Variants in LYPD6 observed in about 807,000 individuals in gnomAD.
LYPD6 encodes the protein ly6/PLAUR domain-containing protein 6.
LYPD6 carries 15 observed loss-of-function variants against 22.7 expected under a neutral mutation model. The observed-to-expected ratio is 0.66, with a 90% CI of 0.44 to 1.02. The LOEUF (loss-of-function observed/expected upper bound fraction) is 1.02. LYPD6 is among the 50% of genes least tolerant of loss of function. The pLI is 0.00. For missense variants in LYPD6, 189 were observed against 208.4 expected (o/e 0.91, Z 0.57); for synonymous variants, 72 against 77.5 (o/e 0.93, Z 0.37).
chr2:149,440,805 A>G (rs1683548449), intron 2 of LYPD6, among the ~76,000 whole-genome samples: 3 of 139,394 alleles, frequency 2.2e-5, no homozygotes, highest in Non-Finnish European at 3.0e-5. Context: ...GGTTCATGCC[A>G]TTCTCCTGCC....
At chr2:149,378,126 A>G (rs897801851) in intron 1 of LYPD6, among the ~76,000 whole-genome samples, 4 of 152,044 alleles carry the variant, frequency 2.6e-5, no homozygotes, top group African/African-American at 2.4e-5. Flanking sequence ...TTAATAATAT[A>G]TATATTTTGA....
chr2:149,418,605 T>TTC (rs1683014837), intron 1 of LYPD6, among the ~76,000 whole-genome samples: 1 of 150,870 alleles, frequency 6.6e-6, no homozygotes, highest in Admixed American at 6.6e-5. Context: ...CTTGCGCTAT[T>TTC]TCTCAGATAC....
intron 3 of LYPD6, among the ~76,000 whole-genome samples, chr2:149,449,550 A>G (rs1003589691): frequency 6.6e-6 from 1 of 152,350 alleles, no homozygotes; most frequent in Non-Finnish European, 1.5e-5. Flanking sequence ...AGAGACTTTC[A>G]TGCAGTCTCT....
At chr2:149,394,691 A>T (rs1030213177) in intron 1 of LYPD6, among the ~76,000 whole-genome samples, 1 of 151,848 alleles carries the variant, frequency 6.6e-6, no homozygotes, top group African/African-American at 2.4e-5. Flanking sequence ...GTATAAATAG[A>T]TTTTCACAAA....
At chr2:149,464,661 G>C (rs1218166862) in intron 3 of LYPD6, among the ~76,000 whole-genome samples, 1 of 152,176 alleles carries the variant, frequency 6.6e-6, no homozygotes, top group South Asian at 2.1e-4. Flanking sequence ...CAGCAGTCAG[G>C]ATTCCTTGAC....
chr2:149,480,847 A>T, the LYPD6 span, among the ~76,000 whole-genome samples: 1 of 152,180 alleles, frequency 6.6e-6, no homozygotes, highest in Non-Finnish European at 1.5e-5. Context: ...ACATGCAGTC[A>T]TGGAGCAAAG....
chr2:149,372,108 A>C (rs1480739164), intron 1 of LYPD6, among the ~76,000 whole-genome samples: 1 of 152,128 alleles, frequency 6.6e-6, no homozygotes, highest in Non-Finnish European at 1.5e-5. Flanking sequence ...AGACAAAATT[A>C]AGGACTATGG....
Position 149,369,871 on chromosome 2 carries a change from T to C in LYPD6, c.-72+39149T>C, listed in dbSNP as rs1681766810. On this transcript the variant is annotated intron_variant, in intron 1 of 4. Transcript: ENST00000334166. ...CGGGTAAGGCATAAGTATGCTTCTC[T>C]GTGGGGGAAGAGGAGGAACAGGCAT... Among the ~76,000 whole-genome samples, 3 of 152,084 alleles carry C rather than the reference T, an allele frequency of 2.0e-5. No homozygotes were observed. The South Asian group carries it at 6.2e-4, about 32-fold the overall frequency.
intron 1 of LYPD6, among the ~76,000 whole-genome samples, chr2:149,408,652 T>C (rs1682783769): frequency 6.6e-6 from 1 of 152,246 alleles, no homozygotes; most frequent in South Asian, 2.1e-4. Context: ...TTGAAAGCCT[T>C]GTCTTCAAGC....
chr2:149,463,168 T>C (rs1179686768), intron 3 of LYPD6, among the ~76,000 whole-genome samples: 1 of 152,118 alleles, frequency 6.6e-6, no homozygotes, highest in South Asian at 2.1e-4. Context: ...ATCTAGAATA[T>C]ATAAATAATT....
intron 1 of LYPD6, among the ~76,000 whole-genome samples, chr2:149,405,379 T>A (rs935396231): frequency 5.3e-5 from 8 of 152,192 alleles, no homozygotes; most frequent in African/African-American, 1.7e-4. Flanking sequence ...CCTTTTTGGT[T>A]GGTAAGCTAT....
chr2:149,393,960 G>T (rs1682371289), intron 1 of LYPD6, among the ~76,000 whole-genome samples: 1 of 152,118 alleles, frequency 6.6e-6, no homozygotes, highest in Admixed American at 6.5e-5. Flanking sequence ...GACTGGAAGG[G>T]CTCTCCAGAC....
At chr2:149,404,357 A>C (rs917598139) in intron 1 of LYPD6, among the ~76,000 whole-genome samples, 21 of 152,072 alleles carry the variant, frequency 1.4e-4, no homozygotes, top group African/African-American at 4.8e-4. Context: ...GATTCTTCCT[A>C]CCCATGAGCA....
intron 1 of LYPD6, among the ~76,000 whole-genome samples, chr2:149,355,073 T>C (rs930336835): frequency 6.6e-6 from 1 of 152,230 alleles, no homozygotes; most frequent in Admixed American, 6.5e-5. Flanking sequence ...ATATTTTTCC[T>C]ATGGGATAAA....
In LYPD6 at chr2:149,415,115, G is replaced by T. The variant is rs889016928; in HGVS notation, c.-71-22523G>T. Among the ~76,000 whole-genome samples, 5 of 152,324 alleles carry T rather than the reference G, an allele frequency of 3.3e-5. No homozygotes were observed. In the South Asian group the frequency reaches 1.0e-3, roughly 32 times the overall value. On this transcript the variant is annotated intron_variant, in intron 1 of 4. Coordinates refer to ENST00000334166, the MANE Select transcript of LYPD6 (RefSeq NM_194317.5). ...GACACACACTCTAGATTTTATCACT[G>T]TCCAATGGGAAAGAGACATTCTGTG...
intron 1 of LYPD6, among the ~76,000 whole-genome samples, chr2:149,373,141 T>G (rs2105079625): frequency 6.6e-6 from 1 of 151,944 alleles, no homozygotes; most frequent in Non-Finnish European, 1.5e-5. Flanking sequence ...GCAAGGGGCT[T>G]TGTGGGGTGC....
chr2:149,406,442 G>A (rs1283834927), intron 1 of LYPD6, among the ~76,000 whole-genome samples: 6 of 151,598 alleles, frequency 4.0e-5, no homozygotes, highest in Non-Finnish European at 7.4e-5. Flanking sequence ...ATATATTTAG[G>A]ATAGTTAGCT....
intron 3 of LYPD6, among the ~76,000 whole-genome samples, chr2:149,456,359 C>T: frequency 6.6e-6 from 1 of 150,392 alleles, no homozygotes; most frequent in East Asian, 1.9e-4. Flanking sequence ...GTAAGCAGCA[C>T]CCTGATTAAG....
At position 149,466,685 on chromosome 2, in the gene LYPD6, T is replaced by C. The variant is rs572523514; in HGVS notation, c.218-1960T>C. Among the ~76,000 whole-genome samples the C allele has an allele frequency of 2.0e-5, 3 of 152,336 alleles. No homozygotes were observed. The East Asian group carries it at 5.8e-4, about 29-fold the overall frequency. ...ATATCAAGTTCACCAATTGTTATTT[T>C]AAGGCTTACTTAAAACAGGATAATT... is the stretch of plus-strand genomic sequence containing the variant. On this transcript the variant is annotated intron_variant, in intron 3 of 4. Transcript: ENST00000334166.
Sources: gnomAD v4.1 joint callset for allele counts (sites outside exome capture counted in the v4.1 genomes callset) on GRCh38, gnomAD v4.1.1 for gene constraint, MANE v1.5 for transcripts, NCBI Gene and HGNC (gene_info 2026-07-23, HGNC 2026-07-21) for gene names.